Variants in DYNC2H1 observed in about 807,000 individuals in gnomAD.
The protein encoded by DYNC2H1 is cytoplasmic dynein 2 heavy chain 1.
A neutral mutation model predicts 570.0 loss-of-function variants in DYNC2H1; 410 were observed. The observed-to-expected ratio is 0.72, with a 90% CI of 0.66 to 0.78. The LOEUF is 0.78. DYNC2H1 is among the 30% of genes least tolerant of loss of function. The probability of loss-of-function intolerance (pLI) is 0.00; values close to 1 mark genes in which losing one functional copy is unlikely to be tolerated. For synonymous variants in DYNC2H1, 1,688 were observed against 1,677.6 expected, an observed-to-expected ratio of 1.01 and a Z score of -0.15; for missense variants, 4,865 against 5,046.4, an observed-to-expected ratio of 0.96 and a Z score of 1.09.
At chr11:103,282,651 T>C (rs868195822) in intron 72 of DYNC2H1, among the ~76,000 whole-genome samples, 1 of 151,994 alleles carries the variant, frequency 6.6e-6, no homozygotes, top group Non-Finnish European at 1.5e-5. Context: ...TAATGAATAA[T>C]AGTCTTCCAG....
rs1389314407 is a variant in DYNC2H1 at position 103,254,700 on chromosome 11, T to C, written c.10207-715T>C. 1.3e-5 allele frequency among the ~76,000 whole-genome samples: 2 copies of C among 152,162 alleles called. No homozygotes were observed. The highest frequency in any genetic ancestry group is 4.8e-5 in the African/African-American group (2 of 41,426). ...TTGTTATGTATCTTTTTAATTGTAG[T>C]CATTCTAGTGGGAGTGAAGTGGTAT... On this transcript the variant is annotated intron_variant, in intron 66 of 88. Coordinates refer to ENST00000375735, the MANE Select transcript of DYNC2H1 (RefSeq NM_001377.3). The surrounding 1 kb of genome is among the most constrained non-coding windows in gnomAD (Gnocchi z 4.9).
chr11:103,366,352 T>C (rs1405175533), intron 83 of DYNC2H1, among the ~76,000 whole-genome samples: 1 of 150,336 alleles, frequency 6.7e-6, no homozygotes, highest in African/African-American at 2.5e-5. Context: ...TGGTCTATTA[T>C]ATTCATGCAT....
Position 103,187,556 on chromosome 11 carries a change from G to C in DYNC2H1, c.7110G>C (p.Gly2370=), listed in dbSNP as rs551642297. The C allele has an allele frequency of 1.7e-5, 27 of 1,613,002 alleles. No homozygotes were observed. The highest frequency in any genetic ancestry group is 1.3e-4 in the African/African-American group (10 of 74,872). ...DINLPKLDKW[G]TSTLVAFLQQ... is the part of the protein sequence containing the mutation. The stretch of plus-strand genomic sequence containing the variant: ...ACCTACCTAAACTTGATAAATGGGG[G>C]ACCAGTACTTTGGTAGCATTCCTAC... The change falls in exon 43 of 89, where the codon GGG becomes GGC. Residue 2370 remains glycine, a synonymous_variant. Transcript: ENST00000375735.
intron 84 of DYNC2H1, among the ~76,000 whole-genome samples, chr11:103,419,729 C>T (rs777758901): frequency 2.0e-5 from 3 of 152,096 alleles, no homozygotes; most frequent in Non-Finnish European, 4.4e-5. Flanking sequence ...GCCTCTTCTC[C>T]TCCAAATGAC....
At chr11:103,426,538 A>G (rs1309151356) in intron 84 of DYNC2H1, among the ~76,000 whole-genome samples, 1 of 152,240 alleles carries the variant, frequency 6.6e-6, no homozygotes, top group Non-Finnish European at 1.5e-5. Flanking sequence ...ATTTTACCCT[A>G]TACAAGTTTA....
chr11:103,221,031 T>A (rs1244355066), intron 57 of DYNC2H1, among the ~76,000 whole-genome samples: 1 of 152,072 alleles, frequency 6.6e-6, no homozygotes, highest in African/African-American at 2.4e-5. Flanking sequence ...TTTAAGAAAT[T>A]TCTCAATAAA....
At chr11:103,159,160 G>T (rs1860972574) in intron 28 of DYNC2H1, 133 bp downstream of exon 28, 1 of 637,688 alleles carries the variant, frequency 1.6e-6, no homozygotes, top group Admixed American at 3.2e-5. Context: ...TGTACCCAAA[G>T]AATGTACAGT....
chr11:103,453,556 T>C (rs771392806), intron 85 of DYNC2H1, among the ~76,000 whole-genome samples: 1 of 150,528 alleles, frequency 6.6e-6, no homozygotes, highest in Non-Finnish European at 1.5e-5. Context: ...CTTTCCCTTC[T>C]TGACAAATTA....
chr11:103,454,772 G>T (rs935779533), intron 85 of DYNC2H1, among the ~76,000 whole-genome samples: 1 of 152,066 alleles, frequency 6.6e-6, no homozygotes, highest in Non-Finnish European at 1.5e-5. Flanking sequence ...CTCCACTGTT[G>T]TAAGATGGCA....
chr11:103,459,024 T>C (rs941367043), intron 87 of DYNC2H1, among the ~76,000 whole-genome samples: 1 of 151,796 alleles, frequency 6.6e-6, no homozygotes, highest in African/African-American at 2.4e-5. Flanking sequence ...TATTAGAAAT[T>C]CCAGGCCGGG....
At chr11:103,235,929 G>A in intron 62 of DYNC2H1, 116 bp downstream of exon 62, 4 of 1,294,052 alleles carry the variant, frequency 3.1e-6, no homozygotes, top group South Asian at 1.9e-5. Flanking sequence ...TTTTTTAAAT[G>A]GGGGAAATTT....
intron 82 of DYNC2H1, among the ~76,000 whole-genome samples, chr11:103,348,961 T>C (rs568778099): frequency 2.6e-5 from 4 of 152,296 alleles, no homozygotes; most frequent in African/African-American, 9.6e-5. Flanking sequence ...AAGAAGGACA[T>C]GTTTGCTTCC....
At chr11:103,171,900 A>G (rs912625058) in intron 34 of DYNC2H1, among the ~76,000 whole-genome samples, 1 of 152,186 alleles carries the variant, frequency 6.6e-6, no homozygotes, top group Non-Finnish European at 1.5e-5. Flanking sequence ...TGTTAAAACA[A>G]CAAACACTTA....
Position 103,256,084 on chromosome 11 carries a change from A to G in DYNC2H1, c.10327-22A>G, listed in dbSNP as rs748413781. The G allele has an allele frequency of 1.3e-6, 2 of 1,568,866 alleles. No individual in the cohort carries two copies. The highest frequency in any genetic ancestry group is 2.3e-5 in the East Asian group (1 of 42,858). On this transcript the variant is annotated intron_variant, in intron 67 of 88. Transcript: ENST00000375735. This position sits in a 1 kb window ranked among gnomAD's most constrained non-coding sequence, Gnocchi z 4.0. The stretch of plus-strand genomic sequence containing the variant: ...TATTTTTATATGTATAATAATATTC[A>G]TATTGTTAACTTTCCCTACAGACAC...
intron 87 of DYNC2H1, among the ~76,000 whole-genome samples, chr11:103,462,266 TTA>T (rs1353917333): frequency 6.6e-6 from 1 of 152,080 alleles, no homozygotes; most frequent in African/African-American, 2.4e-5. Context: ...CTCTCATTCC[TTA>T]TAAATATAAA....
chr11:103,227,954 T>A (rs918815903), intron 59 of DYNC2H1, among the ~76,000 whole-genome samples: 2 of 152,212 alleles, frequency 1.3e-5, no homozygotes, highest in South Asian at 2.1e-4. Flanking sequence ...TTGTCTTTTT[T>A]AATTGCTGTT....
chr11:103,346,194 T>G (rs570756438), intron 82 of DYNC2H1, among the ~76,000 whole-genome samples: 2 of 152,346 alleles, frequency 1.3e-5, no homozygotes, highest in Admixed American at 1.3e-4. Context: ...ACCCAGCAGC[T>G]GTGGTTACTC....
chr11:103,137,702 C>A (rs1229363446), intron 17 of DYNC2H1, among the ~76,000 whole-genome samples: 1 of 151,956 alleles, frequency 6.6e-6, no homozygotes, highest in Non-Finnish European at 1.5e-5. Flanking sequence ...ATTGACTTGG[C>A]AATGTGGGCT....
chr11:103,333,145 G>A (rs965724960), intron 82 of DYNC2H1, among the ~76,000 whole-genome samples: 1 of 152,110 alleles, frequency 6.6e-6, no homozygotes, highest in African/African-American at 2.4e-5. Context: ...ATAACTTTCT[G>A]TTTATAATTT....
Sources: gnomAD v4.1 joint callset for allele counts (sites outside exome capture counted in the v4.1 genomes callset) on GRCh38, gnomAD v4.1.1 for gene constraint, Gnocchi (gnomAD v3.1) non-coding constraint, MANE v1.5 for transcripts, NCBI Gene and HGNC (gene_info 2026-07-23, HGNC 2026-07-21) for gene names.